The following LDLRAD4 variants were observed in gnomAD, a reference collection of about 807,000 sequenced individuals.
LDLRAD4 encodes the protein low-density lipoprotein receptor class A domain-containing protein 4.
In LDLRAD4, 5 loss-of-function variants were observed where a neutral mutation model predicts 17.0. The observed-to-expected ratio is 0.29, with a 90% CI of 0.15 to 0.62. The LOEUF (loss-of-function observed/expected upper bound fraction) is 0.62, where lower values mean the gene tolerates loss of function less well. LDLRAD4 is among the 20% of genes least tolerant of loss of function. The pLI, the probability that LDLRAD4 is intolerant of heterozygous loss-of-function variation, is 0.84. For synonymous variants in LDLRAD4, 168 were observed against 171.8 expected, an observed-to-expected ratio of 0.98 and a Z score of 0.17; for missense variants, 340 against 424.7, an observed-to-expected ratio of 0.80 and a Z score of 1.75.
rs1600398856 is a variant in LDLRAD4 at position 13,451,275 on chromosome 18, G to A, written c.181+12891G>A. 2.6e-5 allele frequency among the ~76,000 whole-genome samples: 4 copies of A among 152,328 alleles called. No individual in the cohort carries two copies. In the South Asian group the frequency reaches 8.3e-4, roughly 32 times the overall value. ...AGATGTAAGCCCCAGTGCTGGAGGT[G>A]GGGCCAGGCGGGAGGTGTTTGGGTC... On this transcript the variant is annotated intron_variant, in intron 3 of 5. Transcript: ENST00000359446.
intron 1 of LDLRAD4, among the ~76,000 whole-genome samples, chr18:13,346,565 T>C (rs1054652581): frequency 2.9e-4 from 44 of 152,296 alleles, no homozygotes; most frequent in East Asian, 1.9e-3. Flanking sequence ...TGATTTGGGG[T>C]GGAGAGTTCT....
At chr18:13,248,126 A>T (rs1444069447) in intron 1 of LDLRAD4, among the ~76,000 whole-genome samples, 1 of 151,456 alleles carries the variant, frequency 6.6e-6, no homozygotes, top group Non-Finnish European at 1.5e-5. Context: ...ATGCCTGGCT[A>T]ATTTTGGTAT....
chr18:13,415,406 C>A (rs1014313636), intron 2 of LDLRAD4, among the ~76,000 whole-genome samples: 3 of 152,110 alleles, frequency 2.0e-5, no homozygotes, highest in Non-Finnish European at 4.4e-5. Flanking sequence ...TGCGCCTGAG[C>A]TGATGATGTG....
At chr18:13,559,255 C>T (rs2094515671) in intron 3 of LDLRAD4, among the ~76,000 whole-genome samples, 1 of 152,206 alleles carries the variant, frequency 6.6e-6, no homozygotes, top group Non-Finnish European at 1.5e-5. Context: ...TGCATGGCTG[C>T]TTCCTTGTGG....
upstream of LDLRAD4, chr18:13,217,970 C>A: frequency 1.3e-5 from 2 of 149,942 alleles, no homozygotes; most frequent in South Asian, 4.0e-4. The surrounding 1 kb of genome is among the most constrained non-coding windows in gnomAD (Gnocchi z 4.9). Context: ...GCCGCGCTCC[C>A]CGCCGGCCCG....
At chr18:13,326,009 C>G (rs149473520) in intron 1 of LDLRAD4, among the ~76,000 whole-genome samples, 1 of 151,938 alleles carries the variant, frequency 6.6e-6, no homozygotes, top group South Asian at 2.1e-4. Context: ...CCTCATGATC[C>G]GCTTGCCTCG....
chr18:13,562,597 T>G (rs2094553201), intron 3 of LDLRAD4, among the ~76,000 whole-genome samples: 1 of 152,222 alleles, frequency 6.6e-6, no homozygotes, highest in Non-Finnish European at 1.5e-5. Flanking sequence ...CTTGTTCATC[T>G]TATAACTGAA....
chr18:13,329,850 G>A (rs2081748789), intron 1 of LDLRAD4, among the ~76,000 whole-genome samples: 1 of 151,954 alleles, frequency 6.6e-6, no homozygotes, highest in South Asian at 2.1e-4. Flanking sequence ...TCATTATTCT[G>A]ATTAATTGGC....
chr18:13,499,285 CGTGG>C, intron 3 of LDLRAD4, among the ~76,000 whole-genome samples: 1 of 141,226 alleles, frequency 7.1e-6, no homozygotes, highest in Non-Finnish European at 1.5e-5. Context: ...CACGTCCTTT[CGTGG>C]ACACTGGAGA....
At chr18:13,229,588 TGA>T (rs1233511802) in intron 1 of LDLRAD4, among the ~76,000 whole-genome samples, 2 of 152,278 alleles carry the variant, frequency 1.3e-5, no homozygotes, top group East Asian at 3.9e-4. Context: ...AATTAGCAAG[TGA>T]GAGTGGTTTT....
intron 2 of LDLRAD4, among the ~76,000 whole-genome samples, chr18:13,410,812 G>A (rs2088264292): frequency 6.6e-6 from 1 of 152,238 alleles, no homozygotes; most frequent in African/African-American, 2.4e-5. Flanking sequence ...CTTGATTTCA[G>A]TGGATGGCTT....
At chr18:13,448,324 G>C (rs912562922) in intron 3 of LDLRAD4, among the ~76,000 whole-genome samples, 1 of 152,116 alleles carries the variant, frequency 6.6e-6, no homozygotes, top group Admixed American at 6.5e-5. Flanking sequence ...TGTTCATTTA[G>C]CCTCTTAATT....
chr18:13,226,180 C>CTTTTTTTTTGTTTTTTTTTTTTTT (rs2041784478), intron 1 of LDLRAD4, among the ~76,000 whole-genome samples: 1 of 52,188 alleles, frequency 1.9e-5, no homozygotes, highest in Non-Finnish European at 3.3e-5. Context: ...CCATGCCTTG[C>CTTTTTTTTTGTTTTTTTTTTTTTT]TTTTTTTTTT....
intron 1 of LDLRAD4, among the ~76,000 whole-genome samples, chr18:13,307,105 A>G (rs2046958873): frequency 6.6e-6 from 1 of 152,240 alleles, no homozygotes; most frequent in South Asian, 2.1e-4. Context: ...CTGAAACTAA[A>G]CAAACAGGGG....
At chr18:13,564,776 C>T (rs559939836) in intron 3 of LDLRAD4, among the ~76,000 whole-genome samples, 8 of 152,226 alleles carry the variant, frequency 5.3e-5, no homozygotes, top group Admixed American at 2.0e-4. Flanking sequence ...CCAGCCCTCC[C>T]GTGATGATTT....
intron 4 of LDLRAD4, among the ~76,000 whole-genome samples, chr18:13,624,698 C>A (rs554915374): frequency 6.6e-6 from 1 of 152,334 alleles, no homozygotes; most frequent in East Asian, 1.9e-4. Flanking sequence ...CCGCCTTCCC[C>A]ATCCCTAGGT....
intron 2 of LDLRAD4, among the ~76,000 whole-genome samples, chr18:13,414,024 C>T (rs898117344): frequency 3.3e-5 from 5 of 152,186 alleles, no homozygotes; most frequent in Non-Finnish European, 5.9e-5. Flanking sequence ...TGGTGTTGCT[C>T]TGGTGGTGTG....
intron 3 of LDLRAD4, among the ~76,000 whole-genome samples, chr18:13,582,668 C>T (rs974203488): frequency 4.6e-5 from 7 of 152,304 alleles, no homozygotes; most frequent in East Asian, 1.9e-4. Context: ...CTGGGTGGCT[C>T]GCCTCCCATG....
At chr18:13,342,472 CCTGT>C (rs1461922095) in intron 1 of LDLRAD4, among the ~76,000 whole-genome samples, 1 of 120,298 alleles carries the variant, frequency 8.3e-6, no homozygotes, top group Non-Finnish European at 1.7e-5. Flanking sequence ...CCTGGGCCTT[CCTGT>C]CTTTTTTTTT....
Sources: gnomAD v4.1 joint callset for allele counts (sites outside exome capture counted in the v4.1 genomes callset) on GRCh38, gnomAD v4.1.1 for gene constraint, Gnocchi (gnomAD v3.1) non-coding constraint, MANE v1.5 for transcripts, NCBI Gene and HGNC (gene_info 2026-07-23, HGNC 2026-07-21) for gene names.